The following TPTE2 variants were observed in gnomAD, a reference collection of about 807,000 sequenced individuals.
TPTE2 encodes the protein transmembrane phosphoinositide 3-phosphatase and tensin homolog 2.
In TPTE2, 53 loss-of-function variants were observed where a neutral mutation model predicts 78.6. That is an observed-to-expected ratio of 0.67 (90% CI 0.54 to 0.85). The LOEUF is 0.85. Among genes scored for constraint, TPTE2 ranks in the 40% least tolerant of loss-of-function variants. The pLI is 0.00. For synonymous variants in TPTE2, 175 were observed against 206.2 expected, an observed-to-expected ratio of 0.85 and a Z score of 1.30; for missense variants, 461 against 623.0, an observed-to-expected ratio of 0.74 and a Z score of 2.77.
At chr13:19,446,476 C>T (rs888802515) in intron 13 of TPTE2, among the ~76,000 whole-genome samples, 3 of 152,070 alleles carry the variant, frequency 2.0e-5, no homozygotes, top group Admixed American at 1.3e-4. Context: ...TACTTCCCCC[C>T]CAACTTCCAA....
the TPTE2 span, among the ~76,000 whole-genome samples, chr13:19,548,080 T>A: frequency 6.6e-6 from 1 of 152,130 alleles, no homozygotes; most frequent in Non-Finnish European, 1.5e-5. Context: ...AGGTGACAGG[T>A]TAATTGTGTC....
Position 19,485,999 on chromosome 13 carries a change from T to C in TPTE2, c.120-3452A>G, listed in dbSNP as rs187488259. On this transcript the variant is annotated intron_variant, in intron 3 of 19. Coordinates refer to ENST00000400230, the Ensembl canonical transcript of TPTE2. ...GTTTCCTTAAGATTATTCTTTTTTC[T>C]GTCATCTCTTATGTTTATGATTGGG... is the stretch of plus-strand genomic sequence containing the variant. 4.2e-3 allele frequency among the ~76,000 whole-genome samples: 637 copies of C among 152,338 alleles called. 5 individuals carry two copies. Among genetic ancestry groups the C allele is most frequent in the South Asian group, 0.026 (127 of 4,830 alleles).
chr13:19,515,493 A>G (rs1190244783), intron 1 of TPTE2, among the ~76,000 whole-genome samples: 1 of 152,194 alleles, frequency 6.6e-6, no homozygotes, highest in Non-Finnish European at 1.5e-5. Flanking sequence ...CCTGTGGGGA[A>G]AGGAGTGCCA....
chr13:19,469,126 G>A (rs1054181949), intron 6 of TPTE2, among the ~76,000 whole-genome samples: 1 of 152,148 alleles, frequency 6.6e-6, no homozygotes, highest in African/African-American at 2.4e-5. Context: ...TCTTCCCAAT[G>A]TTCTCTTGTA....
At chr13:19,437,391 T>G (rs944754454) in intron 14 of TPTE2, among the ~76,000 whole-genome samples, 1 of 152,176 alleles carries the variant, frequency 6.6e-6, no homozygotes, top group Admixed American at 6.5e-5. Flanking sequence ...GACTGAGAAC[T>G]CTGCTTTAAG....
chr13:19,523,993 C>T (rs1418271628), intron 1 of TPTE2, among the ~76,000 whole-genome samples: 2 of 152,104 alleles, frequency 1.3e-5, no homozygotes, highest in African/African-American at 2.4e-5. Flanking sequence ...TGAATAGGAA[C>T]GTCAAAATAC....
chr13:19,560,567 T>C, the TPTE2 span: 8 of 1,599,610 alleles, frequency 5.0e-6, no homozygotes, highest in Admixed American at 3.4e-5. Flanking sequence ...GCCCAGCTGA[T>C]GGTGACCACG....
chr13:19,464,491 A>G, exon 10 of TPTE2: 1 of 1,613,162 alleles, frequency 6.2e-7, no homozygotes. Flanking sequence ...TGCCTTCCAG[A>G]AGATGGAAAT....
intron 10 of TPTE2, among the ~76,000 whole-genome samples, chr13:19,463,452 A>G (rs1249029892): frequency 1.3e-5 from 2 of 152,260 alleles, no homozygotes; most frequent in Admixed American, 1.3e-4. Flanking sequence ...CCTGAAGATC[A>G]TTATTTTGAA....
Position 19,448,007 on chromosome 13 carries a change from G to C in TPTE2, c.973+2069C>G, listed in dbSNP as rs1214305449. On this transcript the variant is annotated intron_variant, in intron 13 of 19. Coordinates refer to ENST00000400230, the Ensembl canonical transcript of TPTE2. ...ACATATAGACCAATGGAACAGAATA[G>C]ACAGCCCAGAAAAAATCCATGCATT... is the stretch of plus-strand genomic sequence containing the variant. Among the ~76,000 whole-genome samples, 12 of 152,184 alleles carry C rather than the reference G, an allele frequency of 7.9e-5. No individual in the cohort carries two copies. The South Asian group carries it at 1.7e-3, about 21-fold the overall frequency.
intron 3 of TPTE2, among the ~76,000 whole-genome samples, chr13:19,489,569 T>C (rs7491636): frequency 0.11 from 16,043 of 150,084 alleles, 992 homozygotes; most frequent in Middle Eastern, 0.19. Flanking sequence ...AAAGAATATA[T>C]CTATACATAG....
At chr13:19,536,223 T>C (rs994822908) in intron 1 of TPTE2, among the ~76,000 whole-genome samples, 7 of 152,200 alleles carry the variant, frequency 4.6e-5, no homozygotes. Flanking sequence ...GACGAGGCAC[T>C]GCATGTCTAC....
Position 19,438,168 on chromosome 13 carries a change from AAGTT to A in TPTE2, c.974-19_974-16del, listed in dbSNP as rs1394233051. 6 of 1,606,888 alleles carry A rather than the reference AAGTT, an allele frequency of 3.7e-6. No homozygotes were observed. The highest frequency in any genetic ancestry group is 5.1e-6 in the Non-Finnish European group (6 of 1,176,028). On this transcript the variant is annotated splice_polypyrimidine_tract_variant and intron_variant, in intron 13 of 19. Transcript: ENST00000400230. ...CCCGGTTCTTCCTAGAAAAGAAAAG[AAGTT>A]AGTTCAAGAACATACATGGTATAAA...
chr13:19,443,763 CACACACACACACACA>C (rs777915473), intron 13 of TPTE2, among the ~76,000 whole-genome samples: 6,242 of 146,980 alleles, frequency 0.042, 174 homozygotes, highest in Non-Finnish European at 0.061. Flanking sequence ...CACACACACA[CACACACACACACACA>C]CAGTCGTTAA....
the TPTE2 span, among the ~76,000 whole-genome samples, chr13:19,543,169 C>G: frequency 3.9e-4 from 59 of 151,946 alleles, no homozygotes; most frequent in African/African-American, 1.4e-3. Flanking sequence ...GCGATCGTCC[C>G]ACTTCCCAAG....
intron 18 of TPTE2, chr13:19,425,655 G>C: frequency 2.0e-6 from 1 of 499,718 alleles, no homozygotes; most frequent in Non-Finnish European, 4.0e-6. Context: ...GGCTGCTTGC[G>C]TTAAACCAAA....
At chr13:19,561,046 GA>G in the TPTE2 span, 2 of 1,575,960 alleles carry the variant, frequency 1.3e-6, no homozygotes, top group Non-Finnish European at 1.7e-6. Context: ...ACAGGGAGCT[GA>G]GCACCAGCTT....
intron 10 of TPTE2, among the ~76,000 whole-genome samples, chr13:19,452,271 T>C (rs1878233666): frequency 6.6e-6 from 1 of 152,150 alleles, no homozygotes; most frequent in Non-Finnish European, 1.5e-5. Flanking sequence ...ATGAGAAATT[T>C]AAGCAAATTT....
intron 1 of TPTE2, among the ~76,000 whole-genome samples, chr13:19,511,327 G>A (rs1387477230): frequency 6.6e-6 from 1 of 152,106 alleles, no homozygotes; most frequent in Admixed American, 6.5e-5. Flanking sequence ...CTAACAAAAT[G>A]AGATACAACT....
Sources: gnomAD v4.1 joint callset for allele counts (sites outside exome capture counted in the v4.1 genomes callset) on GRCh38, gnomAD v4.1.1 for gene constraint, MANE v1.5 for transcripts, NCBI Gene and HGNC (gene_info 2026-07-23, HGNC 2026-07-21) for gene names.